Variants in TBX18 observed in about 807,000 individuals in gnomAD.
TBX18 encodes T-box transcription factor TBX18.
In TBX18, 21 loss-of-function variants were observed where a neutral mutation model predicts 55.0. The observed-to-expected ratio is 0.38, with a 90% confidence interval of 0.27 to 0.55. The LOEUF (loss-of-function observed/expected upper bound fraction) is 0.55. TBX18 is among the 20% of genes least tolerant of loss of function. The probability of loss-of-function intolerance (pLI) is 0.73; values close to 1 mark genes in which losing one functional copy is unlikely to be tolerated. For missense variants in TBX18, 840 were observed against 799.6 expected, an observed-to-expected ratio of 1.05 and a Z score of -0.61; for synonymous variants, 342 against 326.1, an observed-to-expected ratio of 1.05 and a Z score of -0.53.
rs554987935 is a variant in TBX18 at position 84,763,926 on chromosome 6, C to CCGGCCCAGACGT, written c.244_255dup (p.Thr82_Pro85dup). The CCGGCCCAGACGT allele has an allele frequency of 6.9e-4, 1,082 of 1,571,164 alleles. 23 individuals carry two copies. In the East Asian group the frequency reaches 0.023, roughly 34 times the overall value. On this transcript the variant is annotated inframe_insertion, in exon 1 of 8. Transcript: ENST00000369663. ...CGCTCCAGGTCTGCGCCACTCCGAGCCGGCCCAGACGTCGCCCCAGCCGGC... is the reference window on the plus strand; with the variant it reads ...CGCTCCAGGTCTGCGCCACTCCGAGCCGGCCCAGACGTCGGCCCAGACGTCGCCCCAGCCGGC...
rs928632667 is a variant in TBX18, at chr6:84,733,565, T to C, written c.*3120A>G. Reference sequence around the variant, plus strand: ...TTCCTGAAAGAAGTTTATGAAATGATTATTTTTAATGCTCTGCACCAGGAC... The same window carrying C: ...TTCCTGAAAGAAGTTTATGAAATGACTATTTTTAATGCTCTGCACCAGGAC... On this transcript the variant is annotated 3_prime_UTR_variant, in exon 8 of 8. Transcript: ENST00000369663. 7.9e-5 allele frequency: 12 copies of C among 152,186 alleles called. No homozygotes were observed. The highest frequency in any genetic ancestry group is 2.7e-4 in the African/African-American group (11 of 41,452). 9.4% of individuals were successfully genotyped at this position (152,186 alleles called of 1,614,324 possible).
chr6:84,744,898 A>T (rs1322576912), intron 5 of TBX18, among the ~76,000 whole-genome samples: 1 of 151,766 alleles, frequency 6.6e-6, no homozygotes, highest in Non-Finnish European at 1.5e-5. Context: ...TGAAAGTTTT[A>T]TTCTTTTATC....
chr6:84,738,706 A>G, intron 6 of TBX18, 115 bp from the exon 7 acceptor site: 1 of 792,168 alleles, frequency 1.3e-6, no homozygotes, highest in South Asian at 1.4e-5. Context: ...GTACCCCCAC[A>G]CTGTCCAGTT....
At chr6:84,754,077 A>G (rs1262119117) in intron 4 of TBX18, among the ~76,000 whole-genome samples, 1 of 151,968 alleles carries the variant, frequency 6.6e-6, no homozygotes, top group Non-Finnish European at 1.5e-5. Context: ...ACAGGCAAAC[A>G]CCACCACGCC....
chr6:84,762,828 G>T, intron 1 of TBX18, 80 bp from the exon 2 acceptor site: 2 of 1,378,500 alleles, frequency 1.5e-6, no homozygotes, highest in Non-Finnish European at 2.0e-6. Context: ...CCCACCTGGT[G>T]GCTGAGAAGA....
At chr6:84,763,553 G>T in intron 1 of TBX18, 1 of 564,126 alleles carries the variant, frequency 1.8e-6, no homozygotes, top group Non-Finnish European at 3.3e-6. Flanking sequence ...GCTTTTAAAA[G>T]TTAGGAAACA....
Position 84,762,612 on chromosome 6 carries a change from C to T in TBX18, c.429G>A (p.Leu143=), listed in dbSNP as rs761069850. The change falls in exon 2 of 8, where the codon CTG becomes CTA. Residue 143 remains leucine, a synonymous_variant. Transcript: ENST00000369663. The stretch of plus-strand genomic sequence containing the variant: ...AGCGCTTCCAGAGCTCGGCTCCCTG[C>T]AGATCCACCCGCGGGGCCTGCGGCG... The part of the protein sequence containing the change: ...LPSPQAPRVD[L]QGAELWKRFH... 1 of 1,613,396 alleles carries T rather than the reference C, an allele frequency of 6.2e-7. No individual in the cohort carries two copies.
intron 4 of TBX18, among the ~76,000 whole-genome samples, chr6:84,749,804 C>A (rs1046851937): frequency 1.3e-5 from 2 of 151,776 alleles, no homozygotes; most frequent in Non-Finnish European, 2.9e-5. Flanking sequence ...AATAAAAGTA[C>A]AAAATAAAGT....
chr6:84,741,059 AT>A (rs754466277), intron 6 of TBX18: 6 of 152,160 alleles, frequency 3.9e-5, no homozygotes, highest in Non-Finnish European at 8.8e-5. Flanking sequence ...AGCAATCGAT[AT>A]TTTTCCTGAG....
At chr6:84,740,668 C>T (rs1427143529) in intron 6 of TBX18, among the ~76,000 whole-genome samples, 1 of 152,140 alleles carries the variant, frequency 6.6e-6, no homozygotes, top group Non-Finnish European at 1.5e-5. Context: ...TATACCAATA[C>T]TAAATTTTGT....
chr6:84,756,621 A>T, intron 4 of TBX18, 77 bp downstream of exon 4: 8 of 1,344,912 alleles, frequency 5.9e-6, no homozygotes, highest in Non-Finnish European at 8.4e-6. Flanking sequence ...TCTTAGAAGC[A>T]TTCATTTCCT....
At position 84,737,329 on chromosome 6, in the gene TBX18, A is replaced by G. The variant is rs1173776193; in HGVS notation, c.1180T>C (p.Ser394Pro). The change falls in exon 8 of 8, where the codon TCT becomes CCT. Residue 394 changes from serine (S) to proline (P), a missense_variant. By Grantham distance (74) the Ser-to-Pro change is moderately conservative (BLOSUM62 -1). Coordinates refer to ENST00000369663, the MANE Select transcript of TBX18 (RefSeq NM_001080508.3). ...ATHPHLLSGS[S>P]CSSPAFHLGP... ...AGATGGAAGGCAGGAGAGGAGCAAG[A>G]GGAGCCAGACAAAAGGTGAGGGTGA... 1.3e-6 allele frequency: 2 copies of G among 1,592,978 alleles called. No individual in the cohort carries two copies. Among genetic ancestry groups the G allele is most frequent in the East Asian group, 4.5e-5 (2 of 44,766 alleles).
At chr6:84,738,741 A>T (rs1766959957) in intron 6 of TBX18, 150 bp from the exon 7 acceptor site, 3 of 656,974 alleles carry the variant, frequency 4.6e-6, no homozygotes, top group Admixed American at 4.8e-5. Context: ...GGCAAGAAGA[A>T]ATGCTTCAGC....
intron 5 of TBX18, among the ~76,000 whole-genome samples, chr6:84,745,850 G>A (rs1767168255): frequency 6.6e-6 from 1 of 152,036 alleles, no homozygotes; most frequent in South Asian, 2.1e-4. Flanking sequence ...TGTACACTGT[G>A]CTAAGTTTTC....
chr6:84,746,346 TTC>T (rs1439864431), intron 5 of TBX18, among the ~76,000 whole-genome samples: 1 of 149,524 alleles, frequency 6.7e-6, no homozygotes, highest in African/African-American at 2.4e-5. Flanking sequence ...AAAAATCGTT[TTC>T]TGTCCCTAAT....
chr6:84,764,026 G>C lies in TBX18; in HGVS notation c.156C>G (p.Asp52Glu), dbSNP rs1193739440. Reference sequence around the variant, plus strand: ...CGCCGCCGCCGCGGCTGCAGCCTCCGTCGTCCACGGCCCCCGCCGCCTCTT... The same window carrying C: ...CGCCGCCGCCGCGGCTGCAGCCTCCCTCGTCCACGGCCCCCGCCGCCTCTT... ...GAEEAAGAVD[D>E]GGCSRGGGAG... Residue 52 changes from aspartate to glutamate, a missense_variant, in exon 1 of 8, where the codon GAC becomes GAG. By Grantham distance (45) the Asp-to-Glu change is conservative. Transcript: ENST00000369663. The C allele has an allele frequency of 6.4e-7, 1 of 1,555,588 alleles. No homozygotes were observed. The highest frequency in any genetic ancestry group is 1.2e-5 in the South Asian group (1 of 85,432).
At chr6:84,738,997 A>G (rs1766971183) in intron 6 of TBX18, among the ~76,000 whole-genome samples, 1 of 152,144 alleles carries the variant, frequency 6.6e-6, no homozygotes, top group Non-Finnish European at 1.5e-5. Flanking sequence ...CATTGCCACA[A>G]AAGCACATTC....
chr6:84,734,346 G>C lies in TBX18; in HGVS notation c.*2339C>G, dbSNP rs1318424445. On this transcript the variant is annotated 3_prime_UTR_variant, in exon 8 of 8. Coordinates refer to ENST00000369663, the MANE Select transcript of TBX18 (RefSeq NM_001080508.3). Reference sequence around the variant, plus strand: ...CCATTTCTTTCTGCCATGTATTTGAGAGGTACAGAATTTGCGTTTGGGGTG... The same window carrying C: ...CCATTTCTTTCTGCCATGTATTTGACAGGTACAGAATTTGCGTTTGGGGTG... The C allele has an allele frequency of 1.3e-5, 2 of 152,116 alleles. No individual in the cohort carries two copies. The highest frequency in any genetic ancestry group is 2.9e-5 in the Non-Finnish European group (2 of 68,024). 9.4% of individuals were successfully genotyped at this position (152,116 alleles called of 1,614,324 possible). A position where few individuals can be genotyped will look rare whatever the true frequency, so the allele number is the denominator to read the frequency against.
At chr6:84,748,784 A>G (rs1370265883) in intron 4 of TBX18, among the ~76,000 whole-genome samples, 2 of 152,200 alleles carry the variant, frequency 1.3e-5, no homozygotes, top group Non-Finnish European at 2.9e-5. Flanking sequence ...ATTTATCCTA[A>G]GGAAATATTA....
Sources: gnomAD v4.1 joint callset for allele counts (sites outside exome capture counted in the v4.1 genomes callset) on GRCh38, gnomAD v4.1.1 for gene constraint, MANE v1.5 for transcripts, NCBI Gene and HGNC (gene_info 2026-07-23, HGNC 2026-07-21) for gene names.